BLACAT1: variants seen among roughly 807,000 people sequenced by gnomAD.
BLACAT1 encodes the protein bladder cancer associated transcript 1.
chr1:205,446,359 G>A (rs1666389447), intron 1 of BLACAT1, among the ~76,000 whole-genome samples: 1 of 152,190 alleles, frequency 6.6e-6, no homozygotes, highest in East Asian at 1.9e-4. Flanking sequence ...GTCCCTGCTG[G>A]TGGCAACTTA....
At chr1:205,452,051 G>A (rs1041920147) in intron 1 of BLACAT1, among the ~76,000 whole-genome samples, 7 of 152,164 alleles carry the variant, frequency 4.6e-5, no homozygotes, top group African/African-American at 9.7e-5. Context: ...GGCAAGAGGC[G>A]GAGGGAGGGC....
chr1:205,451,564 G>T (rs548037680), intron 1 of BLACAT1, among the ~76,000 whole-genome samples: 1 of 152,008 alleles, frequency 6.6e-6, no homozygotes, highest in South Asian at 2.1e-4. Flanking sequence ...GGGAGTGGTC[G>T]GGGGGGTAAC....
chr1:205,445,773 G>A (rs747188814), intron 1 of BLACAT1, among the ~76,000 whole-genome samples: 2 of 152,212 alleles, frequency 1.3e-5, no homozygotes, highest in Non-Finnish European at 2.9e-5. Flanking sequence ...GGCAGCAGCA[G>A]CTGGGAACCT....
downstream of BLACAT1, among the ~76,000 whole-genome samples, chr1:205,439,055 T>C (rs1217255493): frequency 6.6e-6 from 1 of 152,172 alleles, no homozygotes; most frequent in Non-Finnish European, 1.5e-5. Flanking sequence ...AGAAGTGACT[T>C]TTCTAGGATT....
At chr1:205,451,010 G>T (rs11240483) in intron 1 of BLACAT1, among the ~76,000 whole-genome samples, 121,214 of 152,126 alleles carry the variant, frequency 0.8, 52,515 homozygotes, top group East Asian at 1. Context: ...GTCTCCTCTG[G>T]GGCCACCACA....
At chr1:205,443,039 C>T (rs1023357221) in intron 1 of BLACAT1, among the ~76,000 whole-genome samples, 4 of 152,216 alleles carry the variant, frequency 2.6e-5, no homozygotes, top group Admixed American at 6.5e-5. Flanking sequence ...TAACTTGATC[C>T]GGAAGGAGGG....
intron 1 of BLACAT1, among the ~76,000 whole-genome samples, chr1:205,455,054 C>G (rs1666546264): frequency 6.6e-6 from 1 of 152,170 alleles, no homozygotes; most frequent in Non-Finnish European, 1.5e-5. Flanking sequence ...CAGGGCTGGC[C>G]AGCTCTTGTT....
chr1:205,442,685 T>C (rs1666314292), intron 1 of BLACAT1, among the ~76,000 whole-genome samples: 1 of 152,172 alleles, frequency 6.6e-6, no homozygotes, highest in Non-Finnish European at 1.5e-5. Flanking sequence ...GGTTATTTAA[T>C]AACCCGATTT....
rs1303974199 is a variant in BLACAT1, at chr1:205,450,181, A to G, written c.-37+5736T>C. Among the ~76,000 whole-genome samples the G allele has an allele frequency of 6.6e-6, 1 of 151,932 alleles. No individual in the cohort carries two copies. ...AACCCTGACTTGGGCCTGAGTAACAAAGGTCTCATTGAGCCTCTGGCTGTC... is the reference window on the plus strand; with the variant it reads ...AACCCTGACTTGGGCCTGAGTAACAGAGGTCTCATTGAGCCTCTGGCTGTC... On this transcript the variant is annotated intron_variant, in intron 1 of 1. Coordinates refer to ENST00000629624, the Ensembl canonical transcript of BLACAT1. The surrounding 1 kb of genome is among the most constrained non-coding windows in gnomAD (Gnocchi z 4.4).
In BLACAT1 at chr1:205,441,266, T is replaced by C. The variant is rs867402472; in HGVS notation, c.-36-204A>G. Among the ~76,000 whole-genome samples the C allele has an allele frequency of 6.6e-6, 1 of 152,180 alleles. No homozygotes were observed. The highest frequency in any genetic ancestry group is 1.5e-5 in the Non-Finnish European group (1 of 68,030). On this transcript the variant is annotated intron_variant, in intron 1 of 1. Coordinates refer to ENST00000629624, the Ensembl canonical transcript of BLACAT1. This position sits in a 1 kb window ranked among gnomAD's most constrained non-coding sequence, Gnocchi z 4.3. ...TTTGAAACCTCAGTGTTTCCTGATC[T>C]GTGTGGAGCTGATGTCATTCCTCAC...
downstream of BLACAT1, chr1:205,435,001 T>C (rs2102457116): frequency 6.6e-6 from 1 of 152,308 alleles, no homozygotes; most frequent in South Asian, 2.1e-4. Context: ...ACCATGCAAC[T>C]TGAGCCAAAA....
Position 205,441,229 on chromosome 1 carries a change from A to G in BLACAT1, c.-36-167T>C, listed in dbSNP as rs969296941. Among the ~76,000 whole-genome samples, 2 of 152,162 alleles carry G rather than the reference A, an allele frequency of 1.3e-5. No homozygotes were observed. Among genetic ancestry groups the G allele is most frequent in the African/African-American group, 2.4e-5 (1 of 41,440 alleles). On this transcript the variant is annotated intron_variant, in intron 1 of 1. Transcript: ENST00000629624. The surrounding 1 kb of genome is among the most constrained non-coding windows in gnomAD (Gnocchi z 4.3). ...CGGCTGGGGGAGGAGTCAAGCCTCT[A>G]AACAACAGCTCTTTGAAACCTCAGT... is the stretch of plus-strand genomic sequence containing the variant.
At chr1:205,443,490 C>A (rs912950198) in intron 1 of BLACAT1, among the ~76,000 whole-genome samples, 2 of 152,118 alleles carry the variant, frequency 1.3e-5, no homozygotes, top group African/African-American at 4.8e-5. Context: ...ACCTACACAT[C>A]AGAGGAAAGG....
Position 205,448,446 on chromosome 1 carries a change from A to T in BLACAT1, c.-36-7384T>A. ...TCATAGGGAAGCGAGAAGCTGGGGC[A>T]CCCGAGAAGCCCTCACTCCCCTTCT... On this transcript the variant is annotated intron_variant, in intron 1 of 1. Transcript: ENST00000629624. The surrounding 1 kb of genome is among the most constrained non-coding windows in gnomAD (Gnocchi z 4.7). 1 of 530,134 alleles carries T rather than the reference A, an allele frequency of 1.9e-6. No homozygotes were observed. Among genetic ancestry groups the T allele is most frequent in the Non-Finnish European group, 3.9e-6 (1 of 259,212 alleles). 32.8% of individuals were successfully genotyped at this position (530,134 alleles called of 1,614,324 possible). A position where few individuals can be genotyped will look rare whatever the true frequency, so the allele number is the denominator to read the frequency against.
In BLACAT1 at chr1:205,450,117, G is replaced by T. The variant is rs911597505; in HGVS notation, c.-37+5800C>A. 6.6e-6 allele frequency among the ~76,000 whole-genome samples: 1 copy of T among 152,076 alleles called. No individual in the cohort carries two copies. Among genetic ancestry groups the T allele is most frequent in the African/African-American group, 2.4e-5 (1 of 41,408 alleles). On this transcript the variant is annotated intron_variant, in intron 1 of 1. Coordinates refer to ENST00000629624, the Ensembl canonical transcript of BLACAT1. The surrounding 1 kb of genome is among the most constrained non-coding windows in gnomAD (Gnocchi z 4.4). ...CCTGAGGACGGTGGGGGTGGGGGTG[G>T]GGGCGGGCTGGGCAGGCGGGGCAGC...
chr1:205,440,325 C>T (rs556994085), exon 2 of BLACAT1, among the ~76,000 whole-genome samples: 150 of 152,310 alleles, frequency 9.8e-4, no homozygotes, highest in African/African-American at 3.6e-3. Flanking sequence ...GAGCCACTGG[C>T]CACCTCTGCC....
chr1:205,445,775 TG>T lies in BLACAT1; in HGVS notation c.-36-4714del, dbSNP rs78894286. ...GGGCAACGTGACAGGCAGCAGCAGCTGGGAACCTGGTGGACCAGACTGTCAG... is the reference window on the plus strand; with the variant it reads ...GGGCAACGTGACAGGCAGCAGCAGCTGGAACCTGGTGGACCAGACTGTCAG... On this transcript the variant is annotated intron_variant, in intron 1 of 1. Transcript: ENST00000629624. Among the ~76,000 whole-genome samples, 13 of 152,310 alleles carry T rather than the reference TG, an allele frequency of 8.5e-5. No homozygotes were observed. The East Asian group carries it at 2.5e-3, about 29-fold the overall frequency.
downstream of BLACAT1, among the ~76,000 whole-genome samples, chr1:205,438,791 C>G (rs1301871513): frequency 6.6e-6 from 1 of 152,084 alleles, no homozygotes. Flanking sequence ...CTCAAGATAT[C>G]TAGTATCCCT....
downstream of BLACAT1, chr1:205,437,442 G>C (rs1418776652): frequency 2.6e-5 from 4 of 152,332 alleles, no homozygotes; most frequent in Admixed American, 6.5e-5. Flanking sequence ...CTCCCCTTGG[G>C]CCTGGCTGTA....
Sources: allele counts gnomAD v4.1 joint callset (sites outside exome capture counted in the v4.1 genomes callset), GRCh38; gene constraint gnomAD v4.1.1; non-coding constraint Gnocchi (gnomAD v3.1); transcripts MANE v1.5; gene names NCBI Gene and HGNC (gene_info 2026-07-23, HGNC 2026-07-21).